Variants in MUSK observed in about 807,000 individuals in gnomAD.
MUSK encodes the protein muscle associated receptor tyrosine kinase, also known as muscle, skeletal receptor tyrosine-protein kinase.
A neutral mutation model predicts 88.7 loss-of-function variants in MUSK; 55 were observed. The observed-to-expected ratio is 0.62, with a 90% confidence interval of 0.50 to 0.78. The LOEUF (loss-of-function observed/expected upper bound fraction) is 0.78, where lower values mean the gene tolerates loss of function less well. Among genes scored for constraint, MUSK ranks in the 30% least tolerant of loss-of-function variants. The probability of loss-of-function intolerance (pLI) is 0.00; values close to 1 mark genes in which losing one functional copy is unlikely to be tolerated. For synonymous variants in MUSK, 387 were observed against 391.9 expected (o/e 0.99, Z 0.15); for missense variants, 1,015 against 1,074.3 (o/e 0.94, Z 0.77).
At chr9:110,742,685 C>A (rs1054844345) in intron 6 of MUSK, among the ~76,000 whole-genome samples, 1 of 152,194 alleles carries the variant, frequency 6.6e-6, no homozygotes, top group African/African-American at 2.4e-5. Flanking sequence ...GAGACCCCAA[C>A]TTATTCATTC....
At chr9:110,752,239 G>C (rs574761680) in intron 7 of MUSK, among the ~76,000 whole-genome samples, 7 of 152,114 alleles carry the variant, frequency 4.6e-5, no homozygotes, top group Non-Finnish European at 4.4e-5. Context: ...CCCCATGAAG[G>C]TCCCTCTGGA....
In MUSK at chr9:110,690,884, A is replaced by T. The variant is rs935222389; in HGVS notation, c.358+3616A>T. On this transcript the variant is annotated intron_variant, in intron 3 of 14. Transcript: ENST00000374448. ...TATATATTTAAATAAATATATATAT[A>T]TTTTTTGAGACGGAGTCTCGCTCAG... Among the ~76,000 whole-genome samples, 143 of 142,752 alleles carry T rather than the reference A, an allele frequency of 1.0e-3. 1 individual carries two copies. The highest frequency in any genetic ancestry group is 1.9e-3 in the Non-Finnish European group (125 of 66,628). The allele number at this position is 142,752 out of a possible 152,430, so 93.7% of individuals were successfully genotyped here.
rs541539935 is a variant in MUSK, at chr9:110,679,283, T to C, written c.80-3391T>C. ...ATTTTTAAATAATTAAGTTTCATGA[T>C]TGTCATATCTTTTTAGGGCTTGTTC... On this transcript the variant is annotated intron_variant, in intron 1 of 14. Coordinates refer to ENST00000374448, the MANE Select transcript of MUSK (RefSeq NM_005592.4). 3.3e-5 allele frequency among the ~76,000 whole-genome samples: 5 copies of C among 152,220 alleles called. No individual in the cohort carries two copies. In the South Asian group the frequency reaches 8.3e-4, roughly 25 times the overall value.
intron 6 of MUSK, among the ~76,000 whole-genome samples, chr9:110,745,012 T>A (rs1283713912): frequency 6.6e-6 from 1 of 152,124 alleles, no homozygotes; most frequent in African/African-American, 2.4e-5. Flanking sequence ...ATCAGAACCA[T>A]CCATGAAGAA....
At chr9:110,721,145 G>T (rs1000200829) in intron 5 of MUSK, among the ~76,000 whole-genome samples, 1 of 152,032 alleles carries the variant, frequency 6.6e-6, no homozygotes, top group Non-Finnish European at 1.5e-5. Flanking sequence ...ACTGAATGGG[G>T]AAAAGCTGAA....
chr9:110,681,278 T>C (rs2076134046), intron 1 of MUSK, among the ~76,000 whole-genome samples: 2 of 144,988 alleles, frequency 1.4e-5, no homozygotes, highest in Admixed American at 1.5e-4. Flanking sequence ...TCATTTTACA[T>C]AAAAATTCTG....
At chr9:110,779,120 TGTG>T (rs2077714904) in intron 11 of MUSK, among the ~76,000 whole-genome samples, 1 of 151,942 alleles carries the variant, frequency 6.6e-6, no homozygotes, top group Non-Finnish European at 1.5e-5. Context: ...TAATTTGAAA[TGTG>T]GTTTGGGTAA....
chr9:110,786,340 T>C (rs1388142634), intron 13 of MUSK, among the ~76,000 whole-genome samples: 1 of 149,984 alleles, frequency 6.7e-6, no homozygotes, highest in Non-Finnish European at 1.5e-5. Flanking sequence ...AAAGAAAAAC[T>C]AGTTAATTCT....
At chr9:110,787,595 A>G in intron 13 of MUSK, 95 bp from the exon 14 acceptor site, 2 of 1,282,314 alleles carry the variant, frequency 1.6e-6, no homozygotes, top group Non-Finnish European at 2.1e-6. Context: ...AGCCTTTTAC[A>G]CAGGGGAGGT....
chr9:110,764,635 ATAGG>A lies in MUSK; in HGVS notation c.920+2435_920+2438del, dbSNP rs1244106929. Among the ~76,000 whole-genome samples, 452 of 150,834 alleles carry A rather than the reference ATAGG, an allele frequency of 3.0e-3. 3 individuals are homozygous for A. The highest frequency in any genetic ancestry group is 7.4e-3 in the African/African-American group (301 of 40,576). On this transcript the variant is annotated intron_variant, in intron 8 of 14. Coordinates refer to ENST00000374448, the MANE Select transcript of MUSK (RefSeq NM_005592.4). The stretch of plus-strand genomic sequence containing the variant: ...GATAGATAGATAGATAGATAGATAG[ATAGG>A]TAGGTAGATCATCGGTCTTGTGTGT...
At chr9:110,786,047 C>T (rs1196332321) in intron 13 of MUSK, among the ~76,000 whole-genome samples, 1 of 150,506 alleles carries the variant, frequency 6.6e-6, no homozygotes, top group Non-Finnish European at 1.5e-5. Flanking sequence ...TGCGGTGGCT[C>T]GTGCCTGTAA....
intron 5 of MUSK, among the ~76,000 whole-genome samples, chr9:110,702,676 AT>A (rs1245080481): frequency 1.3e-5 from 2 of 152,070 alleles, no homozygotes; most frequent in Admixed American, 6.6e-5. Context: ...TGGGAGGCTG[AT>A]GGCTTGAGCA....
intron 5 of MUSK, among the ~76,000 whole-genome samples, chr9:110,729,737 G>A (rs531779687): frequency 2.0e-5 from 3 of 152,000 alleles, no homozygotes; most frequent in African/African-American, 7.2e-5. Context: ...AAATCCATGG[G>A]AGCTCCTTGT....
chr9:110,746,456 CATA>C (rs2077175693), intron 6 of MUSK, among the ~76,000 whole-genome samples: 1 of 152,170 alleles, frequency 6.6e-6, no homozygotes, highest in Non-Finnish European at 1.5e-5. Flanking sequence ...GGCACTGTAA[CATA>C]ATGATTAAAA....
chr9:110,681,617 G>A lies in MUSK; in HGVS notation c.80-1057G>A, dbSNP rs181425642. ...GTGGAAGGAGATGGATGCTTAAACT[G>A]AATCGTAAAAGACAAAATAACATTA... On this transcript the variant is annotated intron_variant, in intron 1 of 14. Transcript: ENST00000374448. Among the ~76,000 whole-genome samples, 21 of 152,070 alleles carry A rather than the reference G, an allele frequency of 1.4e-4. No individual in the cohort carries two copies. In the East Asian group the frequency reaches 3.7e-3, roughly 27 times the overall value.
intron 11 of MUSK, among the ~76,000 whole-genome samples, chr9:110,781,256 TTTTTGTTTTG>T (rs148739068): frequency 9.2e-4 from 134 of 146,282 alleles, no homozygotes; most frequent in South Asian, 1.3e-3. Flanking sequence ...TGTGTGTGTT[TTTTTGTTTTG>T]TTTTGTTTTG....
chr9:110,766,737 A>G (rs974525565), intron 8 of MUSK, among the ~76,000 whole-genome samples: 1 of 152,224 alleles, frequency 6.6e-6, no homozygotes, highest in Admixed American at 6.5e-5. Context: ...TATAAAGACA[A>G]TGAAAAACTA....
chr9:110,690,260 A>G (rs1179507830), intron 3 of MUSK, among the ~76,000 whole-genome samples: 8 of 106,104 alleles, frequency 7.5e-5, no homozygotes, highest in Non-Finnish European at 1.3e-4. Flanking sequence ...ATATATAAAT[A>G]TATATTTAAG....
intron 2 of MUSK, among the ~76,000 whole-genome samples, chr9:110,683,348 T>A (rs937547862): frequency 3.3e-5 from 5 of 152,166 alleles, no homozygotes; most frequent in Non-Finnish European, 5.9e-5. Flanking sequence ...CCATTGTGTA[T>A]ATGTACCACA....
Sources: allele counts gnomAD v4.1 joint callset (sites outside exome capture counted in the v4.1 genomes callset), GRCh38; gene constraint gnomAD v4.1.1; transcripts MANE v1.5; gene names NCBI Gene and HGNC (gene_info 2026-07-23, HGNC 2026-07-21).